The following ANK2 variants were observed in gnomAD, a reference collection of about 807,000 sequenced individuals.
ANK2 encodes the protein ankyrin-2.
Under a neutral mutation model 360.5 loss-of-function variants are expected in ANK2, and 83 were observed. That is an observed-to-expected ratio of 0.23 (90% confidence interval 0.19 to 0.28). ANK2 has a LOEUF of 0.28. ANK2 is among the 10% of genes least tolerant of loss of function. The pLI is 1.00. For missense variants in ANK2, 4,201 were observed against 4,795.7 expected (o/e 0.88, Z 3.66); for synonymous variants, 1,740 against 1,759.5 (o/e 0.99, Z 0.28).
At chr4:113,190,390 G>A (rs975165667) in intron 2 of ANK2, among the ~76,000 whole-genome samples, 20 of 152,096 alleles carry the variant, frequency 1.3e-4, no homozygotes, top group Non-Finnish European at 2.2e-4. Context: ...GATTATAAGC[G>A]TGAGCCACTG....
At chr4:112,911,546 C>T (rs765315330) in intron 2 of ANK2, among the ~76,000 whole-genome samples, 1 of 151,986 alleles carries the variant, frequency 6.6e-6, no homozygotes, top group Non-Finnish European at 1.5e-5. Flanking sequence ...TGGACTTGAA[C>T]TCTTGGGCTC....
intron 1 of ANK2, among the ~76,000 whole-genome samples, chr4:113,150,061 G>A (rs4834319): frequency 1.2e-4 from 18 of 152,116 alleles, no homozygotes; most frequent in Admixed American, 2.6e-4. Context: ...GGATGCCCAA[G>A]AAGGAGGGGA....
At chr4:113,286,346 C>T (rs1357665089) in intron 18 of ANK2, among the ~76,000 whole-genome samples, 2 of 152,126 alleles carry the variant, frequency 1.3e-5, no homozygotes, top group Non-Finnish European at 2.9e-5. Flanking sequence ...CTGTGTTTTA[C>T]GAAACTCAAA....
intron 9 of ANK2, among the ~76,000 whole-genome samples, chr4:113,243,070 A>G (rs1403669157): frequency 6.6e-6 from 1 of 152,174 alleles, no homozygotes. Flanking sequence ...CTGACGTTAT[A>G]TAATATGTAG....
chr4:112,855,485 C>A (rs2066142751), intron 1 of ANK2, among the ~76,000 whole-genome samples: 1 of 152,268 alleles, frequency 6.6e-6, no homozygotes, highest in East Asian at 1.9e-4. Context: ...TGCACCTCCT[C>A]AATTGGCCCT....
chr4:112,779,991 G>C, the ANK2 span, among the ~76,000 whole-genome samples: 1 of 152,142 alleles, frequency 6.6e-6, no homozygotes, highest in Admixed American at 6.6e-5. Flanking sequence ...GGGAGGCCGA[G>C]GTGGGCGGAT....
At chr4:112,810,125 GTATATATATATATATA>G in the ANK2 span, among the ~76,000 whole-genome samples, 15 of 68,110 alleles carry the variant, frequency 2.2e-4, no homozygotes, top group African/African-American at 6.1e-4. Flanking sequence ...AATTTTTTGT[GTATATATATATATATA>G]TATATATATA....
At chr4:113,068,534 G>A (rs139616727) in intron 1 of ANK2, among the ~76,000 whole-genome samples, 2 of 152,222 alleles carry the variant, frequency 1.3e-5, no homozygotes, top group Non-Finnish European at 2.9e-5. Flanking sequence ...TTAGAAAATT[G>A]TACAGCGAAG....
In ANK2 at chr4:113,049,675, T is replaced by C; in HGVS notation, c.-54T>C. On this transcript the variant is annotated 5_prime_UTR_variant, in exon 1 of 46. Coordinates refer to ENST00000357077, the MANE Select transcript of ANK2 (RefSeq NM_001148.6). ...AGTAAGTGCATACCCGCTAGTGGTC[T>C]GTACAGGCGGCACGGTTTGATGGCA... 1 of 1,588,726 alleles carries C rather than the reference T, an allele frequency of 6.3e-7. No individual in the cohort carries two copies. Among genetic ancestry groups the C allele is most frequent in the East Asian group, 2.3e-5 (1 of 43,352 alleles).
At chr4:112,802,233 G>A in the ANK2 span, among the ~76,000 whole-genome samples, 1 of 152,020 alleles carries the variant, frequency 6.6e-6, no homozygotes, top group Non-Finnish European at 1.5e-5. Flanking sequence ...GAGATTGGAG[G>A]ACACTGTTGT....
the ANK2 span, chr4:112,788,141 G>A: frequency 3.2e-6 from 5 of 1,583,026 alleles, no homozygotes; most frequent in Non-Finnish European, 4.3e-6. Flanking sequence ...GGCAATGCGA[G>A]CCACAGACTT....
At chr4:112,776,170 C>T in the ANK2 span, among the ~76,000 whole-genome samples, 2 of 152,176 alleles carry the variant, frequency 1.3e-5, no homozygotes, top group African/African-American at 2.4e-5. Context: ...AACATCCTTT[C>T]CCTTCTACCC....
At chr4:112,818,825 T>C (rs1183316697) in intron 1 of ANK2, among the ~76,000 whole-genome samples, 1 of 152,186 alleles carries the variant, frequency 6.6e-6, no homozygotes, top group Non-Finnish European at 1.5e-5. Context: ...TCAAAATTTA[T>C]ATTAAATAGT....
chr4:113,072,742 A>ATTTTTTTTTTTTTTT (rs34098456), intron 1 of ANK2, among the ~76,000 whole-genome samples: 44 of 74,206 alleles, frequency 5.9e-4, no homozygotes, highest in African/African-American at 1.9e-3. Flanking sequence ...ACTTGGCATA[A>ATTTTTTTTTTTTTTT]TTTTTTTTTT....
intron 3 of ANK2, among the ~76,000 whole-genome samples, chr4:113,197,531 G>A (rs979771313): frequency 1.3e-5 from 2 of 152,230 alleles, no homozygotes; most frequent in Non-Finnish European, 2.9e-5. Flanking sequence ...AGAGAGAGAA[G>A]TCAGGCACTC....
chr4:113,062,688 A>G (rs1296676852), intron 1 of ANK2, among the ~76,000 whole-genome samples: 1 of 152,140 alleles, frequency 6.6e-6, no homozygotes. Flanking sequence ...ACCAATAATT[A>G]CATCACAGGA....
At chr4:113,127,906 T>C (rs2095764682) in intron 1 of ANK2, among the ~76,000 whole-genome samples, 1 of 151,938 alleles carries the variant, frequency 6.6e-6, no homozygotes, top group South Asian at 2.1e-4. Flanking sequence ...AGGATGGTTA[T>C]CAGCACTCAA....
chr4:112,754,163 A>C, the ANK2 span, among the ~76,000 whole-genome samples: 1 of 144,468 alleles, frequency 6.9e-6, no homozygotes, highest in Non-Finnish European at 1.5e-5. Context: ...TTGCATGGGG[A>C]TATATAAAAC....
intron 2 of ANK2, among the ~76,000 whole-genome samples, chr4:113,194,790 CTA>C (rs748349423): frequency 6.6e-6 from 1 of 152,090 alleles, no homozygotes; most frequent in Non-Finnish European, 1.5e-5. Context: ...TTTCAAAAAA[CTA>C]AGTACATATT....
Sources: gnomAD v4.1 joint callset for allele counts (sites outside exome capture counted in the v4.1 genomes callset) on GRCh38, gnomAD v4.1.1 for gene constraint, MANE v1.5 for transcripts, NCBI Gene and HGNC (gene_info 2026-07-23, HGNC 2026-07-21) for gene names.